RBM34: variants seen among roughly 807,000 people sequenced by gnomAD.
The protein encoded by RBM34 is RNA-binding protein 34.
A neutral mutation model predicts 44.6 loss-of-function variants in RBM34; 39 were observed. That is an observed-to-expected ratio of 0.87 (90% CI 0.68 to 1.14). The LOEUF (loss-of-function observed/expected upper bound fraction) is 1.14, where lower values mean the gene tolerates loss of function less well. RBM34 is among the 50% of genes most tolerant of loss of function. The pLI is 0.00. For synonymous variants in RBM34, 194 were observed against 184.0 expected, an observed-to-expected ratio of 1.05 and a Z score of -0.44; for missense variants, 572 against 517.9, an observed-to-expected ratio of 1.10 and a Z score of -1.01.
At chr1:235,159,706 C>T (rs1047181951) in intron 3 of RBM34, among the ~76,000 whole-genome samples, 3 of 151,288 alleles carry the variant, frequency 2.0e-5, no homozygotes, top group Non-Finnish European at 2.9e-5. Context: ...TCTGTCTCTA[C>T]TAAAAACACA....
intron 3 of RBM34, among the ~76,000 whole-genome samples, chr1:235,155,822 CATATATATATATAT>C (rs1172462826): frequency 0.01 from 666 of 64,154 alleles, 21 homozygotes; most frequent in African/African-American, 0.028. Context: ...CATACATATA[CATATATATATATAT>C]ATATATATAT....
chr1:235,156,632 T>C (rs535971575), intron 3 of RBM34: 47 of 463,768 alleles, frequency 1.0e-4, no homozygotes, highest in African/African-American at 9.1e-4. Flanking sequence ...CAATATAAAG[T>C]ATTGCTGGAT....
At chr1:235,149,711 C>T (rs1030523985) in intron 5 of RBM34, among the ~76,000 whole-genome samples, 1 of 152,096 alleles carries the variant, frequency 6.6e-6, no homozygotes, top group African/African-American at 2.4e-5. Context: ...CAGCTGTCGA[C>T]AACATGCCAA....
At chr1:235,133,980 A>C (rs1394537639) in intron 10 of RBM34, among the ~76,000 whole-genome samples, 1 of 152,076 alleles carries the variant, frequency 6.6e-6, no homozygotes, top group Non-Finnish European at 1.5e-5. Context: ...CTCCAGCCTC[A>C]GCCTCCTGAT....
intron 6 of RBM34, among the ~76,000 whole-genome samples, chr1:235,142,756 C>T (rs1017242182): frequency 1.3e-5 from 2 of 150,566 alleles, no homozygotes. Flanking sequence ...GGTGAAACCC[C>T]GTCTCTACTA....
At chr1:235,144,270 T>C (rs956877980) in intron 6 of RBM34, among the ~76,000 whole-genome samples, 4 of 149,452 alleles carry the variant, frequency 2.7e-5, no homozygotes, top group South Asian at 2.3e-4. Flanking sequence ...ACTCTACTTA[T>C]ATAAAATTCT....
At chr1:235,152,893 G>C (rs1233466006) in intron 4 of RBM34, 128 bp from the exon 5 acceptor site, 12 of 765,426 alleles carry the variant, frequency 1.6e-5, no homozygotes, top group African/African-American at 4.1e-5. Context: ...TTTTGAGACA[G>C]AGTCTTGCAC....
At chr1:235,149,388 C>CAAAAAAAAAAAAAAAAAAAGAAAA in intron 5 of RBM34, among the ~76,000 whole-genome samples, 1 of 58,002 alleles carries the variant, frequency 1.7e-5, no homozygotes, top group Non-Finnish European at 3.6e-5. Flanking sequence ...GACTCCGTCT[C>CAAAAAAAAAAAAAAAAAAAGAAAA]AAAAAAAAAA....
intron 3 of RBM34, 124 bp downstream of exon 3, chr1:235,160,387 T>G (rs983395604): frequency 1.6e-6 from 2 of 1,284,766 alleles, no homozygotes; most frequent in Middle Eastern, 3.7e-4. Context: ...ATGTACTGGA[T>G]TTTCCATAAT....
chr1:235,153,796 C>G (rs1233070342), intron 4 of RBM34, among the ~76,000 whole-genome samples: 1 of 152,078 alleles, frequency 6.6e-6, no homozygotes, highest in Non-Finnish European at 1.5e-5. Flanking sequence ...AGCAGGATAC[C>G]GAGCTAAGGA....
rs554288388 is a variant in RBM34, at chr1:235,160,456, G to T, written c.365+55C>A. 1.2e-4 allele frequency: 181 copies of T among 1,535,830 alleles called. 1 individual carries two copies. In the East Asian group the frequency reaches 3.8e-3, roughly 32 times the overall value. ...AAACTGACGAATATTCCAAGTATAG[G>T]AATGTTAATTTACCATCTAATTTCT... On this transcript the variant is annotated intron_variant, in intron 3 of 10. Coordinates refer to ENST00000408888, the MANE Select transcript of RBM34 (RefSeq NM_015014.4).
At chr1:235,140,456 G>A (rs982623463) in intron 6 of RBM34, among the ~76,000 whole-genome samples, 1 of 152,222 alleles carries the variant, frequency 6.6e-6, no homozygotes, top group African/African-American at 2.4e-5. Flanking sequence ...TGCGGAGGAT[G>A]TACTGGGTCC....
chr1:235,148,120 T>G (rs1572157226), intron 6 of RBM34, among the ~76,000 whole-genome samples: 1 of 152,134 alleles, frequency 6.6e-6, no homozygotes, highest in African/African-American at 2.4e-5. Context: ...ATGAGAAAAT[T>G]TAGGCATGAA....
Position 235,135,773 on chromosome 1 carries a change from G to GA in RBM34, c.890-4dup. The GA allele has an allele frequency of 1.9e-6, 3 of 1,609,404 alleles. No individual in the cohort carries two copies. The highest frequency in any genetic ancestry group is 8.5e-7 in the Non-Finnish European group (1 of 1,175,882). ...CTCAATGGCAGATTCTTCAACTTCT[G>GA]AAAACAAATTCAATCAAAATGGAAG... On this transcript the variant is annotated splice_region_variant and splice_polypyrimidine_tract_variant and intron_variant, in intron 9 of 10. Transcript: ENST00000408888.
chr1:235,158,853 C>T (rs1412068802), intron 3 of RBM34, among the ~76,000 whole-genome samples: 12 of 151,792 alleles, frequency 7.9e-5, no homozygotes, highest in Admixed American at 7.9e-4. Context: ...CATGGTGGGT[C>T]ATGCCTGTAA....
chr1:235,154,932 C>T lies in RBM34; in HGVS notation c.546G>A (p.Lys182=), dbSNP rs776594400. The change falls in exon 4 of 11, where the codon AAG becomes AAA. Residue 182 remains lysine, a synonymous_variant. Coordinates refer to ENST00000408888, the MANE Select transcript of RBM34 (RefSeq NM_015014.4). ...IQINQEEERL[K]NERTVFVGNL... ...TCCCAACAAACACAGTTCTCTCATT[C>T]TTTAATCTCTCTTCTTCTTGGTTGA... The T allele has an allele frequency of 6.2e-6, 10 of 1,614,080 alleles. No homozygotes were observed. In the African/African-American group the frequency reaches 9.3e-5, roughly 15 times the overall value.
At position 235,131,287 on chromosome 1, in the gene RBM34, A is replaced by G. The variant is rs923929131; in HGVS notation, c.*426T>C. ...TTTGAGAGGCCAAGGCAGGTGGATC[A>G]CCTGAGGTCAGGAGTTCGAGACCAG... On this transcript the variant is annotated 3_prime_UTR_variant, in exon 11 of 11. Transcript: ENST00000408888. 6.4e-6 allele frequency: 1 copy of G among 157,106 alleles called. No individual in the cohort carries two copies. Among genetic ancestry groups the G allele is most frequent in the African/African-American group, 2.4e-5 (1 of 41,466 alleles). The allele number at this position is 157,106 out of a possible 1,614,324, so 9.7% of individuals were successfully genotyped here.
chr1:235,141,280 G>T (rs1240239831), intron 6 of RBM34, among the ~76,000 whole-genome samples: 1 of 150,850 alleles, frequency 6.6e-6, no homozygotes, highest in Admixed American at 6.6e-5. Context: ...CTAGCTCAAG[G>T]TTTATAAACA....
chr1:235,149,247 G>GAC (rs1268874078), intron 5 of RBM34, among the ~76,000 whole-genome samples: 1 of 151,924 alleles, frequency 6.6e-6, no homozygotes, highest in Non-Finnish European at 1.5e-5. Flanking sequence ...AAATTAGCCA[G>GAC]ACGTGGTGGC....
Sources: gnomAD v4.1 joint callset for allele counts (sites outside exome capture counted in the v4.1 genomes callset) on GRCh38, gnomAD v4.1.1 for gene constraint, MANE v1.5 for transcripts, NCBI Gene and HGNC (gene_info 2026-07-23, HGNC 2026-07-21) for gene names.